The following PHF21B variants were observed in gnomAD, a reference collection of about 807,000 sequenced individuals.
The protein encoded by PHF21B is PHD finger protein 4.
Under a neutral mutation model 62.2 loss-of-function variants are expected in PHF21B, and 22 were observed. That is an observed-to-expected ratio of 0.35 (90% CI 0.25 to 0.51). The LOEUF (loss-of-function observed/expected upper bound fraction) is 0.51, where lower values mean the gene tolerates loss of function less well. PHF21B is among the 20% of genes least tolerant of loss of function. PHF21B has a pLI of 0.97. For missense variants in PHF21B, 701 were observed against 707.9 expected, an observed-to-expected ratio of 0.99 and a Z score of 0.11; for synonymous variants, 341 against 314.7, an observed-to-expected ratio of 1.08 and a Z score of -0.88.
intron 2 of PHF21B, among the ~76,000 whole-genome samples, chr22:44,998,010 T>C (rs1359303220): frequency 2.6e-5 from 4 of 152,294 alleles, no homozygotes; most frequent in Non-Finnish European, 4.4e-5. Context: ...ATGTGCAAAC[T>C]TGGGCTAGGT....
At position 44,885,918 on chromosome 22, in the gene PHF21B, A is replaced by C. The variant is rs755393058; in HGVS notation, c.1218T>G (p.Gly406=). ...TGGCCAGCATCCCAGTCCAGGGCACACCCTCGTCTTTCTTTAAGGCCTGGG... is the reference window on the plus strand; with the variant it reads ...TGGCCAGCATCCCAGTCCAGGGCACCCCCTCGTCTTTCTTTAAGGCCTGGG... ...CQQKALKKDE[G]VPWTGMLAIV... Residue 406 remains glycine (G), a synonymous_variant, in exon 11 of 13, where the codon GGT becomes GGG. Transcript: ENST00000313237. 6.2e-7 allele frequency: 1 copy of C among 1,614,044 alleles called. No homozygotes were observed. The highest frequency in any genetic ancestry group is 8.5e-7 in the Non-Finnish European group (1 of 1,179,970).
intron 2 of PHF21B, among the ~76,000 whole-genome samples, chr22:44,929,423 G>A (rs539120360): frequency 6.6e-5 from 10 of 152,330 alleles, no homozygotes; most frequent in Non-Finnish European, 1.3e-4. Flanking sequence ...CAAGGGCCAC[G>A]GCGAGTGCAT....
At chr22:44,998,175 G>C (rs2073153498) in intron 2 of PHF21B, among the ~76,000 whole-genome samples, 1 of 152,186 alleles carries the variant, frequency 6.6e-6, no homozygotes. Context: ...TCTCTTACTT[G>C]TGCAATTCAG....
At chr22:44,929,325 C>T (rs920419756) in intron 2 of PHF21B, among the ~76,000 whole-genome samples, 1 of 152,240 alleles carries the variant, frequency 6.6e-6, no homozygotes, top group Admixed American at 6.5e-5. Flanking sequence ...TGTGCTTAGG[C>T]TTGGCCTTTA....
chr22:44,971,395 T>C (rs2072634954), intron 2 of PHF21B: 1 of 152,186 alleles, frequency 6.6e-6, no homozygotes, highest in Admixed American at 6.6e-5. Flanking sequence ...CTCAGGGCCA[T>C]TCGGGGTAGG....
rs191498245 is a variant in PHF21B, at chr22:44,894,554, C to T, written c.884-1021G>A. 3.6e-4 allele frequency among the ~76,000 whole-genome samples: 55 copies of T among 152,280 alleles called. No individual in the cohort carries two copies. In the East Asian group the frequency reaches 0.01, roughly 28 times the overall value. ...AATCCCAAAGGCAAGCTGAGGGCAG[C>T]GGGATTCATCTCGCTCAAGCTCACA... On this transcript the variant is annotated intron_variant, in intron 6 of 12. Coordinates refer to ENST00000313237, the MANE Select transcript of PHF21B (RefSeq NM_138415.5).
chr22:44,954,474 C>G (rs1272933073), intron 2 of PHF21B, among the ~76,000 whole-genome samples: 1 of 152,202 alleles, frequency 6.6e-6, no homozygotes, highest in Non-Finnish European at 1.5e-5. Context: ...ACAGCCGGCT[C>G]TGATGGTCCA....
At chr22:44,991,460 C>T (rs963920333) in intron 2 of PHF21B, among the ~76,000 whole-genome samples, 1 of 152,044 alleles carries the variant, frequency 6.6e-6, no homozygotes, top group African/African-American at 2.4e-5. Context: ...GACAGATGAT[C>T]CCACTGAGCG....
chr22:44,939,179 T>G (rs1826960881), intron 2 of PHF21B, among the ~76,000 whole-genome samples: 1 of 152,156 alleles, frequency 6.6e-6, no homozygotes. Flanking sequence ...AGACTCCCGC[T>G]GAGCCAAAAG....
intron 3 of PHF21B, among the ~76,000 whole-genome samples, chr22:44,917,164 T>G (rs1360643610): frequency 1.3e-5 from 2 of 152,094 alleles, no homozygotes; most frequent in Non-Finnish European, 2.9e-5. Context: ...AGTGAAGGTG[T>G]GCAGAGGGCA....
intron 2 of PHF21B, among the ~76,000 whole-genome samples, chr22:44,924,568 ATTCTCT>A (rs2071596802): frequency 6.6e-6 from 1 of 152,146 alleles, no homozygotes. Flanking sequence ...TCTCTCTCTC[ATTCTCT>A]TTCTCTCTCT....
intron 2 of PHF21B, among the ~76,000 whole-genome samples, chr22:44,930,249 TG>T (rs1471899391): frequency 1.3e-5 from 2 of 151,988 alleles, no homozygotes; most frequent in Non-Finnish European, 1.5e-5. Flanking sequence ...CGGCTGCCCC[TG>T]TGGAGGGGAG....
chr22:44,929,897 G>A (rs967097903), intron 2 of PHF21B, among the ~76,000 whole-genome samples: 1 of 152,238 alleles, frequency 6.6e-6, no homozygotes, highest in African/African-American at 2.4e-5. Flanking sequence ...GGTCGAAGAT[G>A]AGGTGAGGCA....
intron 2 of PHF21B, among the ~76,000 whole-genome samples, chr22:44,940,145 C>T (rs1384937486): frequency 1.3e-5 from 2 of 152,200 alleles, no homozygotes; most frequent in Non-Finnish European, 2.9e-5. Flanking sequence ...GCCGCACCTC[C>T]ACCAGGGCAG....
intron 2 of PHF21B, among the ~76,000 whole-genome samples, chr22:44,925,722 G>A (rs1253802000): frequency 1.3e-5 from 2 of 152,174 alleles, no homozygotes; most frequent in Admixed American, 6.5e-5. Context: ...CACCTCAGGT[G>A]CCACCTGATG....
chr22:44,901,795 C>G, intron 5 of PHF21B: 4 of 297,430 alleles, frequency 1.3e-5, no homozygotes, highest in Non-Finnish European at 2.6e-5. Flanking sequence ...AGAGGAAGTA[C>G]TCAGCTGCTA....
chr22:44,938,231 T>C (rs1350039053), intron 2 of PHF21B, among the ~76,000 whole-genome samples: 1 of 152,082 alleles, frequency 6.6e-6, no homozygotes, highest in Non-Finnish European at 1.5e-5. Flanking sequence ...CCTGCCACCA[T>C]GCCTGGTTTT....
At position 45,002,022 on chromosome 22, in the gene PHF21B, C is replaced by T. The variant is rs986003969; in HGVS notation, c.120+6523G>A. The T allele has an allele frequency of 5.3e-5, 8 of 152,334 alleles. 1 individual carries two copies. The allele number at this position is 152,334 out of a possible 1,614,324, so 9.4% of individuals were successfully genotyped here. ...TAAAAAGTAGAATTCTTCTTTATCT[C>T]CTAAATGTGACCAAAATGATAGAAT... On this transcript the variant is annotated intron_variant, in intron 2 of 12. Transcript: ENST00000313237.
chr22:44,932,552 T>A (rs1292245385), intron 2 of PHF21B, among the ~76,000 whole-genome samples: 1 of 152,214 alleles, frequency 6.6e-6, no homozygotes, highest in Non-Finnish European at 1.5e-5. Flanking sequence ...TAGACGGTCA[T>A]TGAGAAGATC....
Sources: allele counts gnomAD v4.1 joint callset (sites outside exome capture counted in the v4.1 genomes callset), GRCh38; gene constraint gnomAD v4.1.1; transcripts MANE v1.5; gene names NCBI Gene and HGNC (gene_info 2026-07-23, HGNC 2026-07-21).